The following CACNA1D variants were observed in gnomAD, a reference collection of about 807,000 sequenced individuals.
CACNA1D encodes voltage-dependent L-type calcium channel subunit alpha-1D.
In CACNA1D, 55 loss-of-function variants were observed where a neutral mutation model predicts 257.1. That is an observed-to-expected ratio of 0.21 (90% CI 0.17 to 0.27). The LOEUF (loss-of-function observed/expected upper bound fraction) is 0.27, where lower values mean the gene tolerates loss of function less well. CACNA1D is among the 10% of genes least tolerant of loss of function. The pLI is 1.00. For missense variants in CACNA1D, 1,876 were observed against 2,784.0 expected, an observed-to-expected ratio of 0.67 and a Z score of 7.34; for synonymous variants, 980 against 1,014.9, an observed-to-expected ratio of 0.97 and a Z score of 0.65.
At chr3:53,591,002 A>T (rs1475844278) in intron 3 of CACNA1D, among the ~76,000 whole-genome samples, 2 of 152,022 alleles carry the variant, frequency 1.3e-5, no homozygotes. Flanking sequence ...GAGGCACTGG[A>T]CCCAGACCTT....
chr3:53,520,086 A>G (rs544698889), intron 3 of CACNA1D, among the ~76,000 whole-genome samples: 1 of 152,328 alleles, frequency 6.6e-6, no homozygotes, highest in African/African-American at 2.4e-5. Flanking sequence ...TTTGGCTATT[A>G]TGAATAATGT....
chr3:53,610,124 A>G (rs1054843990), intron 3 of CACNA1D, among the ~76,000 whole-genome samples: 23 of 152,288 alleles, frequency 1.5e-4, no homozygotes, highest in African/African-American at 5.5e-4. Context: ...AACATTTTCA[A>G]TGTATTAATG....
chr3:53,803,848 G>A (rs1028397446), intron 44 of CACNA1D, among the ~76,000 whole-genome samples: 7 of 152,198 alleles, frequency 4.6e-5, no homozygotes, highest in African/African-American at 1.4e-4. Flanking sequence ...GGCCTGCTTC[G>A]TGGCTGGGTT....
At chr3:53,692,177 C>T (rs1216715241) in intron 8 of CACNA1D, among the ~76,000 whole-genome samples, 1 of 151,446 alleles carries the variant, frequency 6.6e-6, no homozygotes, top group Admixed American at 6.6e-5. Flanking sequence ...AACCAGTATA[C>T]AAAGATAAGA....
intron 5 of CACNA1D, among the ~76,000 whole-genome samples, chr3:53,663,665 C>T (rs780399505): frequency 1.3e-5 from 2 of 152,094 alleles, no homozygotes; most frequent in Admixed American, 6.5e-5. Flanking sequence ...AACGTAATTG[C>T]GGTTTTTGCC....
intron 3 of CACNA1D, among the ~76,000 whole-genome samples, chr3:53,614,783 C>T (rs2093619452): frequency 6.6e-6 from 1 of 152,152 alleles, no homozygotes; most frequent in African/African-American, 2.4e-5. Context: ...TAGCAAGATG[C>T]AGCTAACTTG....
chr3:53,597,117 A>G (rs1273731566), intron 3 of CACNA1D, among the ~76,000 whole-genome samples: 1 of 152,256 alleles, frequency 6.6e-6, no homozygotes, highest in African/African-American at 2.4e-5. Context: ...GAGAGATTTT[A>G]TAATTATTAT....
intron 3 of CACNA1D, among the ~76,000 whole-genome samples, chr3:53,532,050 G>A (rs1219146747): frequency 6.6e-6 from 1 of 152,152 alleles, no homozygotes; most frequent in Non-Finnish European, 1.5e-5. Flanking sequence ...TTAACAGGTA[G>A]GGTAATGTTT....
intron 3 of CACNA1D, among the ~76,000 whole-genome samples, chr3:53,607,254 C>T (rs1011238168): frequency 6.6e-6 from 1 of 152,166 alleles, no homozygotes; most frequent in Non-Finnish European, 1.5e-5. Context: ...TTGATGCTCC[C>T]TGGTGATACA....
chr3:53,772,071 C>A (rs777500834), intron 32 of CACNA1D, among the ~76,000 whole-genome samples: 2 of 152,208 alleles, frequency 1.3e-5, no homozygotes, highest in Non-Finnish European at 2.9e-5. Context: ...TGCAGGTAGA[C>A]GTGTTGGTCA....
intron 38 of CACNA1D, among the ~76,000 whole-genome samples, chr3:53,780,857 G>A (rs1158957115): frequency 1.3e-5 from 2 of 152,202 alleles, no homozygotes; most frequent in African/African-American, 2.4e-5. Flanking sequence ...TGAGGCACTG[G>A]TGGAGGAGAG....
chr3:53,577,523 T>TG (rs1283595020), intron 3 of CACNA1D, among the ~76,000 whole-genome samples: 1 of 152,194 alleles, frequency 6.6e-6, no homozygotes, highest in African/African-American at 2.4e-5. Context: ...GTGCTTGGCA[T>TG]GGGGCACAGT....
chr3:53,748,117 C>G (rs753948559), intron 26 of CACNA1D, among the ~76,000 whole-genome samples: 2 of 152,192 alleles, frequency 1.3e-5, no homozygotes, highest in Non-Finnish European at 2.9e-5. Context: ...GAACAGGGTC[C>G]TGAAGAATGG....
intron 40 of CACNA1D, among the ~76,000 whole-genome samples, chr3:53,798,711 C>T (rs1272012953): frequency 6.6e-6 from 1 of 152,180 alleles, no homozygotes; most frequent in African/African-American, 2.4e-5. Context: ...TTATAAGGGC[C>T]TCTTGGGAAG....
rs370194940 is a variant in CACNA1D, at chr3:53,801,476, G to T, written c.5408+51G>T. On this transcript the variant is annotated intron_variant, in intron 42 of 47. Transcript: ENST00000350061. ...TGCTCATGTGGTGTCTGCCCGTGTT[G>T]CGTCTAGTCCCAAGGAGCAAGGCGG... is the stretch of plus-strand genomic sequence containing the variant. The T allele has an allele frequency of 2.5e-6, 4 of 1,607,488 alleles. No homozygotes were observed. In the African/African-American group the frequency reaches 4.0e-5, roughly 16 times the overall value.
intron 3 of CACNA1D, among the ~76,000 whole-genome samples, chr3:53,520,942 TTCCTTTCCTCCTG>T (rs2091550416): frequency 1.3e-5 from 2 of 151,284 alleles, no homozygotes; most frequent in East Asian, 3.9e-4. Context: ...TCTTTCTCCT[TTCCTTTCCTCCTG>T]TCCTTTCCTC....
intron 3 of CACNA1D, among the ~76,000 whole-genome samples, chr3:53,616,107 AC>A (rs1375260068): frequency 6.6e-6 from 1 of 152,090 alleles, no homozygotes; most frequent in Admixed American, 6.5e-5. Flanking sequence ...TGCTCCAGTG[AC>A]CCTGCAGGGT....
intron 3 of CACNA1D, among the ~76,000 whole-genome samples, chr3:53,592,436 A>G (rs369503709): frequency 3.1e-4 from 47 of 152,032 alleles, no homozygotes; most frequent in African/African-American, 1.0e-3. Flanking sequence ...CCTTCTAGGA[A>G]CCCCCTAAAA....
chr3:53,629,831 G>A (rs1175303365), intron 3 of CACNA1D, among the ~76,000 whole-genome samples: 4 of 152,164 alleles, frequency 2.6e-5, no homozygotes, highest in African/African-American at 4.8e-5. Flanking sequence ...CTGCCAGTGC[G>A]TTCAAAAGTC....
Sources: allele counts gnomAD v4.1 joint callset (sites outside exome capture counted in the v4.1 genomes callset), GRCh38; gene constraint gnomAD v4.1.1; transcripts MANE v1.5; gene names NCBI Gene and HGNC (gene_info 2026-07-23, HGNC 2026-07-21).